Variants in RABGAP1L observed in about 807,000 individuals in gnomAD.
RABGAP1L encodes rab GTPase-activating protein 1-like.
RABGAP1L carries 63 observed loss-of-function variants against 137.7 expected under a neutral mutation model. The ratio of observed to expected loss-of-function variants is 0.46; its 90% CI spans 0.37 to 0.56. The LOEUF is 0.56. Among genes scored for constraint, RABGAP1L ranks in the 20% least tolerant of loss-of-function variants. The pLI is 0.00. For missense variants in RABGAP1L, 1,095 were observed against 1,244.0 expected (o/e 0.88, Z 1.80); for synonymous variants, 431 against 433.7 (o/e 0.99, Z 0.08).
At chr1:174,543,311 GTTC>G (rs1200523746) in intron 13 of RABGAP1L, among the ~76,000 whole-genome samples, 4 of 151,898 alleles carry the variant, frequency 2.6e-5, no homozygotes, top group African/African-American at 7.3e-5. Flanking sequence ...AGGATAGTTA[GTTC>G]TTCTTGTTGA....
Position 174,991,846 on chromosome 1 carries a change from T to C in RABGAP1L, c.*1845T>C, listed in dbSNP as rs1266243835. Reference sequence around the variant, plus strand: ...TCTTGGCGCTTGTTTTTGTAAATCATTTAGTATAGGCTGTTAGCTTTACTG... The same window carrying C: ...TCTTGGCGCTTGTTTTTGTAAATCACTTAGTATAGGCTGTTAGCTTTACTG... On this transcript the variant is annotated 3_prime_UTR_variant, in exon 26 of 26. Transcript: ENST00000681986. 6.6e-6 allele frequency: 1 copy of C among 151,916 alleles called. No homozygotes were observed. The highest frequency in any genetic ancestry group is 1.5e-5 in the Non-Finnish European group (1 of 67,990). The allele number at this position is 151,916 out of a possible 1,614,324, so 9.4% of individuals were successfully genotyped here. A position where few individuals can be genotyped will look rare whatever the true frequency, so the allele number is the denominator to read the frequency against.
At chr1:174,588,937 G>A (rs898062689) in intron 13 of RABGAP1L, among the ~76,000 whole-genome samples, 1 of 152,124 alleles carries the variant, frequency 6.6e-6, no homozygotes, top group Non-Finnish European at 1.5e-5. Flanking sequence ...CTTCAACATA[G>A]TGACCTCCAT....
intron 19 of RABGAP1L, among the ~76,000 whole-genome samples, chr1:174,860,567 A>G (rs1371519795): frequency 3.9e-5 from 6 of 152,198 alleles, no homozygotes; most frequent in Admixed American, 2.0e-4. Context: ...TCCACTTTTT[A>G]TCTCCTTCCT....
At chr1:174,654,667 C>T (rs539977314) in intron 14 of RABGAP1L, among the ~76,000 whole-genome samples, 1 of 152,036 alleles carries the variant, frequency 6.6e-6, no homozygotes, top group Admixed American at 6.6e-5. Context: ...TTTTACATTT[C>T]TGTGTCTTTA....
chr1:174,525,727 G>T (rs1019961541), intron 13 of RABGAP1L, among the ~76,000 whole-genome samples: 1 of 152,016 alleles, frequency 6.6e-6, no homozygotes, highest in Non-Finnish European at 1.5e-5. Flanking sequence ...GTAGAGGAAA[G>T]GCTTTCAACT....
At chr1:174,399,805 G>A (rs777558848) in intron 13 of RABGAP1L, among the ~76,000 whole-genome samples, 18 of 152,108 alleles carry the variant, frequency 1.2e-4, no homozygotes, top group South Asian at 4.1e-4. Flanking sequence ...ATCAGATCTC[G>A]TGGGAACTCA....
At chr1:174,914,183 G>A (rs1660491177) in intron 19 of RABGAP1L, among the ~76,000 whole-genome samples, 1 of 152,140 alleles carries the variant, frequency 6.6e-6, no homozygotes, top group Non-Finnish European at 1.5e-5. Context: ...CTCACATACA[G>A]TCTAGGATTG....
intron 13 of RABGAP1L, among the ~76,000 whole-genome samples, chr1:174,524,206 TG>T (rs372670788): frequency 8.7e-5 from 13 of 150,224 alleles, no homozygotes; most frequent in East Asian, 1.9e-4. Flanking sequence ...TTGTTGTTGT[TG>T]TTTTTTTAAG....
At chr1:174,562,857 G>A (rs1175294488) in intron 13 of RABGAP1L, among the ~76,000 whole-genome samples, 1 of 152,130 alleles carries the variant, frequency 6.6e-6, no homozygotes, top group Non-Finnish European at 1.5e-5. Flanking sequence ...TCTGTGAGGG[G>A]CTGGGGGGCT....
intron 11 of RABGAP1L, among the ~76,000 whole-genome samples, chr1:174,347,771 G>T (rs1682585452): frequency 6.6e-6 from 1 of 152,178 alleles, no homozygotes; most frequent in South Asian, 2.1e-4. Context: ...TAGGATTACA[G>T]GCGTGAGCCA....
chr1:174,658,067 T>C (rs779876076), intron 14 of RABGAP1L, among the ~76,000 whole-genome samples: 38 of 152,188 alleles, frequency 2.5e-4, no homozygotes, highest in Non-Finnish European at 4.7e-4. Flanking sequence ...TGCAAGCTGT[T>C]AGTTTTCAAG....
intron 17 of RABGAP1L, among the ~76,000 whole-genome samples, chr1:174,720,941 A>G (rs1681481977): frequency 6.6e-6 from 1 of 152,248 alleles, no homozygotes; most frequent in Non-Finnish European, 1.5e-5. Context: ...ATGTAACAAA[A>G]TAACTTGAAG....
intron 13 of RABGAP1L, among the ~76,000 whole-genome samples, chr1:174,604,477 T>C (rs973430118): frequency 6.6e-6 from 1 of 152,206 alleles, no homozygotes; most frequent in African/African-American, 2.4e-5. Context: ...CAGTGCCTTT[T>C]TCCTTGATAT....
chr1:174,742,219 G>A (rs535239456), intron 17 of RABGAP1L, among the ~76,000 whole-genome samples: 1 of 151,206 alleles, frequency 6.6e-6, no homozygotes, highest in African/African-American at 2.4e-5. Flanking sequence ...GAGGAAAGAA[G>A]AAGAAGAAAG....
intron 11 of RABGAP1L, among the ~76,000 whole-genome samples, chr1:174,366,264 G>A (rs1684600735): frequency 6.6e-6 from 1 of 152,130 alleles, no homozygotes; most frequent in Non-Finnish European, 1.5e-5. Flanking sequence ...AGTATACCTA[G>A]GACCTGAGTT....
At chr1:174,933,878 T>C (rs1664279360) in intron 19 of RABGAP1L, among the ~76,000 whole-genome samples, 1 of 152,132 alleles carries the variant, frequency 6.6e-6, no homozygotes, top group African/African-American at 2.4e-5. Flanking sequence ...GGATCAAGAC[T>C]GGAATAATTA....
chr1:174,666,415 C>T (rs1386550933), intron 14 of RABGAP1L, among the ~76,000 whole-genome samples: 2 of 152,120 alleles, frequency 1.3e-5, no homozygotes, highest in Admixed American at 1.3e-4. Flanking sequence ...CTGAAAAAAT[C>T]GTGACAGTTC....
intron 1 of RABGAP1L, among the ~76,000 whole-genome samples, chr1:174,217,441 A>G (rs1413943960): frequency 6.6e-6 from 1 of 152,170 alleles, no homozygotes; most frequent in Non-Finnish European, 1.5e-5. Context: ...ACAAGGGAAA[A>G]GGTCAGGATC....
At chr1:174,803,166 C>T (rs1688918148) in intron 18 of RABGAP1L, among the ~76,000 whole-genome samples, 1 of 152,082 alleles carries the variant, frequency 6.6e-6, no homozygotes, top group South Asian at 2.1e-4. Flanking sequence ...TTATTGTTCC[C>T]TGATTCACAG....
Sources: gnomAD v4.1 joint callset for allele counts (sites outside exome capture counted in the v4.1 genomes callset) on GRCh38, gnomAD v4.1.1 for gene constraint, MANE v1.5 for transcripts, NCBI Gene and HGNC (gene_info 2026-07-23, HGNC 2026-07-21) for gene names.